Variants in CENPK observed in about 807,000 individuals in gnomAD.
CENPK encodes the protein SoxLZ/Sox6-binding protein Solt.
A neutral mutation model predicts 40.9 loss-of-function variants in CENPK; 46 were observed. That is an observed-to-expected ratio of 1.13 (90% CI 0.89 to 1.44). The LOEUF is 1.44. Among genes scored for constraint, CENPK ranks in the 40% most tolerant of loss-of-function variants. CENPK has a pLI of 0.00. For missense variants in CENPK, 288 were observed against 303.5 expected, an observed-to-expected ratio of 0.95 and a Z score of 0.38; for synonymous variants, 107 against 104.4, an observed-to-expected ratio of 1.02 and a Z score of -0.15.
rs1349687995 is a variant in CENPK at position 65,551,787 on chromosome 5, TA to T, written c.169-152del. ...CCAGAGGCAACTTTATTTTAATTCT[TA>T]ATCTGTTTCACTGATCCACTGATCT... On this transcript the variant is annotated intron_variant, in intron 4 of 10. Coordinates refer to ENST00000396679, the MANE Select transcript of CENPK (RefSeq NM_022145.5). 20 of 453,654 alleles carry T rather than the reference TA, an allele frequency of 4.4e-5. No homozygotes were observed. In the East Asian group the frequency reaches 7.1e-4, roughly 16 times the overall value. 28.1% of individuals were successfully genotyped at this position (453,654 alleles called of 1,614,324 possible).
chr5:65,531,486 G>A, intron 6 of CENPK, among the ~76,000 whole-genome samples: 1 of 148,278 alleles, frequency 6.7e-6, no homozygotes. Context: ...AATCAGATGA[G>A]AATTCAGAGC....
chr5:65,549,338 A>G (rs1028651030), intron 5 of CENPK, among the ~76,000 whole-genome samples: 1 of 152,140 alleles, frequency 6.6e-6, no homozygotes, highest in Non-Finnish European at 1.5e-5. Flanking sequence ...TAGATTTGGT[A>G]TAATTCTTAA....
chr5:65,547,827 G>A (rs1222673399), intron 5 of CENPK, among the ~76,000 whole-genome samples: 4 of 152,010 alleles, frequency 2.6e-5, no homozygotes, highest in Non-Finnish European at 4.4e-5. Context: ...ACAACACCTG[G>A]CAAATTTTTT....
chr5:65,496,459 T>C, the CENPK span, among the ~76,000 whole-genome samples: 371 of 152,304 alleles, frequency 2.4e-3, 2 homozygotes, highest in African/African-American at 8.5e-3. Context: ...AAATGTTTTT[T>C]CTAATATTAC....
rs144664758 is a variant in CENPK at position 65,520,379 on chromosome 5, A to C, written c.651+1096T>G. On this transcript the variant is annotated intron_variant, in intron 10 of 10. Transcript: ENST00000396679. The stretch of plus-strand genomic sequence containing the variant: ...CCAATTAAACTCCTTTTCCTTATAA[A>C]TTATACAGTCTTAGGTATTTCTTTA... Among the ~76,000 whole-genome samples the C allele has an allele frequency of 9.4e-3, 1,435 of 152,290 alleles. 6 individuals carry two copies. The highest frequency in any genetic ancestry group is 0.014 in the Non-Finnish European group (976 of 68,028).
At chr5:65,538,104 T>C (rs1448648967) in intron 6 of CENPK, among the ~76,000 whole-genome samples, 10 of 152,236 alleles carry the variant, frequency 6.6e-5, no homozygotes, top group Non-Finnish European at 7.3e-5. Context: ...ATAGCCATCC[T>C]AGACGGTGTA....
chr5:65,501,174 G>GTTTTTT, the CENPK span, among the ~76,000 whole-genome samples: 12 of 61,690 alleles, frequency 1.9e-4, no homozygotes, highest in Admixed American at 5.9e-4. Flanking sequence ...TGCTAAGTTT[G>GTTTTTT]TTTTTTTTTT....
At chr5:65,560,438 A>C (rs1177283514) in intron 2 of CENPK, among the ~76,000 whole-genome samples, 1 of 152,166 alleles carries the variant, frequency 6.6e-6, no homozygotes, top group African/African-American at 2.4e-5. Flanking sequence ...GGTAATTATC[A>C]AAGTTTTATT....
downstream of CENPK, among the ~76,000 whole-genome samples, chr5:65,515,204 A>AATTTTTTTT (rs35708852): frequency 5.3e-4 from 66 of 124,056 alleles, 12 homozygotes; most frequent in Non-Finnish European, 7.8e-4. Context: ...TCTCAAAAAA[A>AATTTTTTTT]TTTTTTTTTT....
chr5:65,536,457 C>A (rs142049006), intron 6 of CENPK, among the ~76,000 whole-genome samples: 1,557 of 152,006 alleles, frequency 0.01, 13 homozygotes, highest in Non-Finnish European at 0.018. Context: ...CTACAAAAAA[C>A]CAAAAATAAA....
intron 9 of CENPK, 134 bp from the exon 10 acceptor site, chr5:65,521,662 G>C (rs868785906): frequency 7.8e-6 from 5 of 637,330 alleles, no homozygotes; most frequent in Non-Finnish European, 1.4e-5. Flanking sequence ...GTGCAATGGC[G>C]CAATCTCGGT....
intron 6 of CENPK, among the ~76,000 whole-genome samples, chr5:65,541,838 T>G (rs1002405233): frequency 1.3e-5 from 2 of 152,344 alleles, no homozygotes; most frequent in East Asian, 3.9e-4. Flanking sequence ...TAGTACCACC[T>G]CCACTTCTCA....
At chr5:65,499,483 T>C in the CENPK span, among the ~76,000 whole-genome samples, 32 of 151,902 alleles carry the variant, frequency 2.1e-4, no homozygotes, top group Middle Eastern at 3.4e-3. Flanking sequence ...TTACAATGTG[T>C]CTTGGTGTAG....
At chr5:65,499,969 T>C in the CENPK span, among the ~76,000 whole-genome samples, 1 of 89,244 alleles carries the variant, frequency 1.1e-5, no homozygotes, top group African/African-American at 4.3e-5. Context: ...GTTTCCAGTT[T>C]CATCCATGTC....
At chr5:65,524,358 G>A (rs925155233) in intron 9 of CENPK, among the ~76,000 whole-genome samples, 3 of 149,986 alleles carry the variant, frequency 2.0e-5, no homozygotes, top group Non-Finnish European at 4.4e-5. Flanking sequence ...GCACTCCAGC[G>A]TGGGCAACAA....
chr5:65,525,772 C>T (rs1045779800), intron 9 of CENPK, among the ~76,000 whole-genome samples: 9 of 152,276 alleles, frequency 5.9e-5, no homozygotes, highest in African/African-American at 2.2e-4. Context: ...GGAAAAGACA[C>T]TTGAGAATTC....
At chr5:65,541,537 G>GA in intron 6 of CENPK, 1 of 437,070 alleles carries the variant, frequency 2.3e-6, no homozygotes, top group Non-Finnish European at 4.7e-6. Context: ...AAAACACTTT[G>GA]TTTTTTTCCT....
the CENPK span, among the ~76,000 whole-genome samples, chr5:65,496,567 C>G: frequency 1.9e-3 from 296 of 152,070 alleles, 3 homozygotes; most frequent in African/African-American, 6.8e-3. Flanking sequence ...AAAATGCATA[C>G]GTAAACACTT....
chr5:65,506,477 G>A, the CENPK span, among the ~76,000 whole-genome samples: 7 of 151,074 alleles, frequency 4.6e-5, no homozygotes, highest in East Asian at 2.0e-4. Context: ...GGTGAAACCC[G>A]GTCTCTACTA....
Sources: allele counts gnomAD v4.1 joint callset (sites outside exome capture counted in the v4.1 genomes callset), GRCh38; gene constraint gnomAD v4.1.1; transcripts MANE v1.5; gene names NCBI Gene and HGNC (gene_info 2026-07-23, HGNC 2026-07-21).